ULK1: variants seen among roughly 807,000 people sequenced by gnomAD.
ULK1 encodes serine/threonine-protein kinase ULK1.
ULK1 carries 48 observed loss-of-function variants against 117.5 expected under a neutral mutation model. That is an observed-to-expected ratio of 0.41 (90% CI 0.32 to 0.52). The LOEUF is 0.52. Among genes scored for constraint, ULK1 ranks in the 20% least tolerant of loss-of-function variants. The probability of loss-of-function intolerance (pLI) is 0.29; values close to 1 mark genes in which losing one functional copy is unlikely to be tolerated. For synonymous variants in ULK1, 790 were observed against 637.8 expected, an observed-to-expected ratio of 1.24 and a Z score of -3.60; for missense variants, 1,387 against 1,473.4, an observed-to-expected ratio of 0.94 and a Z score of 0.96.
intron 3 of ULK1, among the ~76,000 whole-genome samples, chr12:131,900,129 A>C (rs917823363): frequency 4.6e-5 from 7 of 151,892 alleles, no homozygotes; most frequent in Admixed American, 2.0e-4. Flanking sequence ...AAAAAAAAAA[A>C]AAAAAAAAAC....
intron 3 of ULK1, among the ~76,000 whole-genome samples, chr12:131,899,556 TC>T (rs200671669): frequency 0.022 from 3,277 of 152,236 alleles, 161 homozygotes; most frequent in South Asian, 0.098. Flanking sequence ...AGTGGCATAA[TC>T]ATGGCTCACT....
chr12:131,910,641 C>G, intron 11 of ULK1, 71 bp from the exon 12 acceptor site: 2 of 1,612,406 alleles, frequency 1.2e-6, no homozygotes, highest in Non-Finnish European at 1.7e-6. Context: ...CTTGTCCAGT[C>G]TGTGGGTTGG....
In ULK1 at chr12:131,908,797, A is replaced by G. The variant is rs1283185024; in HGVS notation, c.470A>G (p.Asn157Ser). The G allele has an allele frequency of 1.2e-5, 20 of 1,606,582 alleles. No individual in the cohort carries two copies. Among genetic ancestry groups the G allele is most frequent in the Non-Finnish European group, 1.7e-5 (20 of 1,177,466 alleles). Residue 157 changes from asparagine to serine, a missense_variant, in exon 6 of 28, where the codon AAC becomes AGC. Coordinates refer to ENST00000321867, the MANE Select transcript of ULK1 (RefSeq NM_003565.4). ...SNPAGRRANPNSIRVKIADFG... is the reference protein window; with the variant it reads ...SNPAGRRANPSSIRVKIADFG... The stretch of plus-strand genomic sequence containing the variant: ...CCCGCCGGCCGCCGCGCCAACCCCA[A>G]CAGCATCCGCGTCAAGATCGGTCAG...
At chr12:131,901,702 G>T (rs777987383) in intron 3 of ULK1, among the ~76,000 whole-genome samples, 8 of 152,218 alleles carry the variant, frequency 5.3e-5, no homozygotes, top group African/African-American at 1.9e-4. Flanking sequence ...GCAGCACCCC[G>T]TGGTGGGACT....
Position 131,894,719 on chromosome 12 carries a change from G to C in ULK1, c.-283G>C, listed in dbSNP as rs1888785821. The C allele has an allele frequency of 6.6e-6, 1 of 151,482 alleles. No homozygotes were observed. The highest frequency in any genetic ancestry group is 1.5e-5 in the Non-Finnish European group (1 of 67,800). The allele number at this position is 151,482 out of a possible 1,614,324, so 9.4% of individuals were successfully genotyped here. A position where few individuals can be genotyped will look rare whatever the true frequency, so the allele number is the denominator to read the frequency against. ...AGCCCGGGCCCTAGTTGGAGCCGGA[G>C]TCGGAGTCGGAGTCGGATCCGGATT... On this transcript the variant is annotated 5_prime_UTR_variant, in exon 1 of 28. Transcript: ENST00000321867.
At chr12:131,909,663 G>A (rs1889439025) in intron 8 of ULK1, 112 bp from the exon 9 acceptor site, 3 of 1,159,962 alleles carry the variant, frequency 2.6e-6, no homozygotes, top group Non-Finnish European at 3.5e-6. Flanking sequence ...GGTTTCCCCC[G>A]GGCTTCGCAG....
chr12:131,910,433 G>C (rs1889482415), intron 11 of ULK1, 129 bp downstream of exon 11: 1 of 1,428,000 alleles, frequency 7.0e-7, no homozygotes, highest in South Asian at 1.2e-5. Context: ...CCCAGGGAGG[G>C]CAGGACACCC....
Position 131,917,395 on chromosome 12 carries a change from T to G in ULK1, c.2183-16T>G, listed in dbSNP as rs1386572602. The G allele has an allele frequency of 2.7e-6, 4 of 1,480,966 alleles. No individual in the cohort carries two copies. The highest frequency in any genetic ancestry group is 2.3e-5 in the Admixed American group (1 of 44,108). 91.7% of individuals were successfully genotyped at this position (1,480,966 alleles called of 1,614,324 possible). A position where few individuals can be genotyped will look rare whatever the true frequency, so the allele number is the denominator to read the frequency against. On this transcript the variant is annotated splice_polypyrimidine_tract_variant and intron_variant, in intron 21 of 27. Coordinates refer to ENST00000321867, the MANE Select transcript of ULK1 (RefSeq NM_003565.4). ...CGGGAGTCAGGATGCTCCTGAGCCCTTCCTTGCTCTCCCAGCACCCTCAGC... is the reference window on the plus strand; with the variant it reads ...CGGGAGTCAGGATGCTCCTGAGCCCGTCCTTGCTCTCCCAGCACCCTCAGC...
At chr12:131,908,498 G>C in intron 5 of ULK1, 146 bp from the exon 6 acceptor site, 1 of 998,418 alleles carries the variant, frequency 1.0e-6, no homozygotes, top group Non-Finnish European at 1.4e-6. Context: ...GTGGTGGCTT[G>C]TGCCCCTCCT....
intron 9 of ULK1, 34 bp downstream of exon 9, chr12:131,909,867 C>T (rs374497800): frequency 5.6e-6 from 9 of 1,610,250 alleles, no homozygotes; most frequent in East Asian, 2.2e-5. Context: ...TCCCTTCCCC[C>T]GCGGGCTCCG....
In ULK1 at chr12:131,917,408, C is replaced by T. The variant is rs112522929; in HGVS notation, c.2183-3C>T. 2.0e-4 allele frequency: 301 copies of T among 1,511,902 alleles called. 2 individuals carry two copies. The African/African-American group carries it at 3.8e-3, about 19-fold the overall frequency. 93.7% of individuals were successfully genotyped at this position (1,511,902 alleles called of 1,614,324 possible). A position where few individuals can be genotyped will look rare whatever the true frequency, so the allele number is the denominator to read the frequency against. On this transcript the variant is annotated splice_polypyrimidine_tract_variant and splice_region_variant and intron_variant, in intron 21 of 27. Coordinates refer to ENST00000321867, the MANE Select transcript of ULK1 (RefSeq NM_003565.4). ...GCTCCTGAGCCCTTCCTTGCTCTCC[C>T]AGCACCCTCAGCTGGCTTTGGAGGG...
rs1888796985 is a variant in ULK1 at position 131,894,920 on chromosome 12, C to T, written c.-82C>T. ...CCCCGGCCCCGCGCCCCCGGCCCGCCCGCCCCGGCCCGCGCCTCCGCCTGA... is the reference window on the plus strand; with the variant it reads ...CCCCGGCCCCGCGCCCCCGGCCCGCTCGCCCCGGCCCGCGCCTCCGCCTGA... On this transcript the variant is annotated 5_prime_UTR_variant, in exon 1 of 28. Coordinates refer to ENST00000321867, the MANE Select transcript of ULK1 (RefSeq NM_003565.4). The T allele has an allele frequency of 4.5e-6, 1 of 219,806 alleles. No individual in the cohort carries two copies. Among genetic ancestry groups the T allele is most frequent in the East Asian group, 2.0e-4 (1 of 5,004 alleles). The allele number at this position is 219,806 out of a possible 1,614,324, so 13.6% of individuals were successfully genotyped here.
chr12:131,914,611 C>T, intron 16 of ULK1, 134 bp downstream of exon 16: 3 of 1,204,336 alleles, frequency 2.5e-6, no homozygotes, highest in South Asian at 3.6e-5. Context: ...TAACTCAGCA[C>T]CACCATTTAC....
intron 22 of ULK1, 145 bp from the exon 23 acceptor site, chr12:131,918,352 T>C: frequency 1.0e-6 from 1 of 1,003,616 alleles, no homozygotes; most frequent in Admixed American, 2.7e-5. Context: ...CTGCTGTGCT[T>C]CTCCTGTTGG....
chr12:131,911,420 C>T (rs116684451), intron 12 of ULK1, among the ~76,000 whole-genome samples: 13 of 152,324 alleles, frequency 8.5e-5, no homozygotes, highest in African/African-American at 2.4e-4. Flanking sequence ...AGCGTGGCAG[C>T]GCCCTGCTGT....
chr12:131,916,743 GC>G, intron 20 of ULK1, 152 bp downstream of exon 20: 1 of 1,168,344 alleles, frequency 8.6e-7, no homozygotes, highest in African/African-American at 1.6e-5. Flanking sequence ...AGAGAGCCTG[GC>G]CCACCTGTGG....
At chr12:131,909,071 C>A in intron 7 of ULK1, 65 bp from the exon 8 acceptor site, 1 of 1,606,034 alleles carries the variant, frequency 6.2e-7, no homozygotes, top group Non-Finnish European at 8.5e-7. Context: ...TGGCTGTGGC[C>A]TGGCGGGCAC....
At chr12:131,912,200 A>C in intron 13 of ULK1, 111 bp downstream of exon 13, 1 of 1,449,344 alleles carries the variant, frequency 6.9e-7, no homozygotes, top group South Asian at 1.4e-5. Flanking sequence ...GGCAGTTAGG[A>C]TGGGCCCCTG....
intron 16 of ULK1, 73 bp from the exon 17 acceptor site, chr12:131,915,010 C>G: frequency 2.0e-6 from 3 of 1,500,672 alleles, no homozygotes; most frequent in Non-Finnish European, 2.7e-6. Context: ...TGCCTTGTCC[C>G]CAGGTCCTCT....
Sources: allele counts gnomAD v4.1 joint callset (sites outside exome capture counted in the v4.1 genomes callset), GRCh38; gene constraint gnomAD v4.1.1; transcripts MANE v1.5; gene names NCBI Gene and HGNC (gene_info 2026-07-23, HGNC 2026-07-21).